The following CNBD1 variants were observed in gnomAD, a reference collection of about 807,000 sequenced individuals.
The protein encoded by CNBD1 is cyclic nucleotide-binding domain-containing protein 1.
Under a neutral mutation model 54.4 loss-of-function variants are expected in CNBD1, and 71 were observed. That is an observed-to-expected ratio of 1.30 (90% CI 1.08 to 1.59). The LOEUF (loss-of-function observed/expected upper bound fraction) is 1.59, where lower values mean the gene tolerates loss of function less well. CNBD1 is among the 40% of genes most tolerant of loss of function. The pLI is 0.00. For synonymous variants in CNBD1, 182 were observed against 170.7 expected (o/e 1.07, Z -0.51); for missense variants, 659 against 518.0 (o/e 1.27, Z -2.64).
chr8:87,263,716 C>A (rs1485771446), intron 6 of CNBD1, among the ~76,000 whole-genome samples: 1 of 152,046 alleles, frequency 6.6e-6, no homozygotes, highest in Admixed American at 6.6e-5. Context: ...GTACTTTACT[C>A]CTAAAAGAGC....
intron 8 of CNBD1, among the ~76,000 whole-genome samples, chr8:87,321,523 C>T (rs984260215): frequency 1.3e-5 from 2 of 152,024 alleles, no homozygotes; most frequent in East Asian, 3.9e-4. Flanking sequence ...ATCTCTTGCC[C>T]ATTTTTTAAA....
At chr8:87,064,106 C>T (rs1040279175) in intron 4 of CNBD1, among the ~76,000 whole-genome samples, 4 of 151,982 alleles carry the variant, frequency 2.6e-5, no homozygotes, top group Admixed American at 2.6e-4. Context: ...ATTGTTACTA[C>T]ACTGGCTTCT....
chr8:87,073,291 G>T (rs1810796082), intron 4 of CNBD1, among the ~76,000 whole-genome samples: 1 of 151,976 alleles, frequency 6.6e-6, no homozygotes, highest in South Asian at 2.1e-4. Context: ...ACCTTGTGAA[G>T]CCTACTTCTG....
chr8:86,929,642 C>T (rs918917022), intron 3 of CNBD1, among the ~76,000 whole-genome samples: 10 of 152,168 alleles, frequency 6.6e-5, no homozygotes, highest in Admixed American at 4.6e-4. Context: ...AGGCTGCACA[C>T]ATGCGAATTT....
chr8:87,389,274 T>C (rs1436331079), intron 2 of CNBD1, among the ~76,000 whole-genome samples: 2 of 152,054 alleles, frequency 1.3e-5, no homozygotes, highest in African/African-American at 2.4e-5. Context: ...GAGAAGGAAA[T>C]AAAGGGTATT....
chr8:87,373,960 A>G (rs1197539838), intron 10 of CNBD1, among the ~76,000 whole-genome samples: 2 of 151,802 alleles, frequency 1.3e-5, no homozygotes, highest in Non-Finnish European at 2.9e-5. Context: ...GTTAGAAGCT[A>G]CAACAGTTTT....
chr8:87,353,064 A>G (rs1172981162), intron 9 of CNBD1, among the ~76,000 whole-genome samples: 1 of 152,196 alleles, frequency 6.6e-6, no homozygotes, highest in Non-Finnish European at 1.5e-5. Flanking sequence ...TTCATATTGA[A>G]CATCCTGTAG....
chr8:87,290,531 T>C (rs1223943300), intron 8 of CNBD1, among the ~76,000 whole-genome samples: 1 of 152,176 alleles, frequency 6.6e-6, no homozygotes, highest in Non-Finnish European at 1.5e-5. Context: ...CTCCTACCTT[T>C]TACAATTACA....
chr8:87,359,945 C>T lies in CNBD1; in HGVS notation c.1303+6159C>T, dbSNP rs543824437. ...TTATTAGTTGGTTATGTTGCCTTCA[C>T]TTTCTAATTTTTCAAGAATTGTTAA... On this transcript the variant is annotated intron_variant, in intron 10 of 10. Transcript: ENST00000518476. Among the ~76,000 whole-genome samples, 11 of 152,068 alleles carry T rather than the reference C, an allele frequency of 7.2e-5. No homozygotes were observed. In the South Asian group the frequency reaches 2.3e-3, roughly 31 times the overall value.
chr8:87,355,922 T>C (rs1018508742), intron 10 of CNBD1, among the ~76,000 whole-genome samples: 1 of 152,118 alleles, frequency 6.6e-6, no homozygotes, highest in Non-Finnish European at 1.5e-5. Flanking sequence ...CCTTCCTGGG[T>C]AATGAGTGAG....
intron 6 of CNBD1, among the ~76,000 whole-genome samples, chr8:87,249,731 T>C (rs1348181258): frequency 6.6e-6 from 1 of 152,208 alleles, no homozygotes; most frequent in African/African-American, 2.4e-5. Flanking sequence ...TGAAGTGCTA[T>C]TGAGCAGATG....
intron 4 of CNBD1, among the ~76,000 whole-genome samples, chr8:86,966,740 T>G (rs7009323): frequency 0.011 from 1,708 of 152,206 alleles, 13 homozygotes; most frequent in Middle Eastern, 0.027. Context: ...ACGTTTGTGG[T>G]GAGTGTTACA....
chr8:87,306,096 A>G (rs1047345562), intron 8 of CNBD1, among the ~76,000 whole-genome samples: 2 of 152,236 alleles, frequency 1.3e-5, no homozygotes, highest in Non-Finnish European at 2.9e-5. Flanking sequence ...GTCTAAGGAC[A>G]TGAATAGACA....
intron 4 of CNBD1, among the ~76,000 whole-genome samples, chr8:87,103,023 G>C (rs759812544): frequency 6.6e-6 from 1 of 152,146 alleles, no homozygotes; most frequent in Non-Finnish European, 1.5e-5. Context: ...AGGTGGTAGC[G>C]TTTACTAAGA....
At chr8:87,227,298 G>A (rs1388303893) in intron 5 of CNBD1, among the ~76,000 whole-genome samples, 5 of 145,744 alleles carry the variant, frequency 3.4e-5, no homozygotes, top group Admixed American at 6.9e-5. Context: ...GTTAGCTGGT[G>A]ATTTTGCTCG....
At chr8:87,052,586 G>T (rs1354160040) in intron 4 of CNBD1, among the ~76,000 whole-genome samples, 2 of 152,166 alleles carry the variant, frequency 1.3e-5, no homozygotes, top group Non-Finnish European at 1.5e-5. Flanking sequence ...GTTGGAAATG[G>T]AGTTTCTTGT....
rs551483421 is a variant in CNBD1, at chr8:87,359,165, C to G, written c.1303+5379C>G. ...AGAATCTCCTTTGTCATCTGGCAGC[C>G]TAACATTCAAATACTTGGCATTGTA... On this transcript the variant is annotated intron_variant, in intron 10 of 10. Coordinates refer to ENST00000518476, the MANE Select transcript of CNBD1 (RefSeq NM_173538.3). Among the ~76,000 whole-genome samples, 56 of 152,204 alleles carry G rather than the reference C, an allele frequency of 3.7e-4. No individual in the cohort carries two copies. The South Asian group carries it at 0.011, about 30-fold the overall frequency.
intron 4 of CNBD1, among the ~76,000 whole-genome samples, chr8:87,188,666 C>A (rs2130783655): frequency 6.6e-6 from 1 of 150,828 alleles, no homozygotes; most frequent in African/African-American, 2.4e-5. Flanking sequence ...GTGGAGGTTG[C>A]AGTGAGCCGA....
At chr8:87,334,712 C>A (rs940532732) in intron 8 of CNBD1, among the ~76,000 whole-genome samples, 1 of 139,574 alleles carries the variant, frequency 7.2e-6, no homozygotes, top group Non-Finnish European at 1.5e-5. Flanking sequence ...CTTTTCTTTT[C>A]TTTTTTCTTT....
Sources: gnomAD v4.1 joint callset for allele counts (sites outside exome capture counted in the v4.1 genomes callset) on GRCh38, gnomAD v4.1.1 for gene constraint, MANE v1.5 for transcripts, NCBI Gene and HGNC (gene_info 2026-07-23, HGNC 2026-07-21) for gene names.